Variants in PHF3 observed in about 807,000 individuals in gnomAD.
PHF3 encodes PHD finger protein 3.
PHF3 carries 41 observed loss-of-function variants against 178.4 expected under a neutral mutation model. The ratio of observed to expected loss-of-function variants is 0.23; its 90% CI spans 0.18 to 0.30. The LOEUF (loss-of-function observed/expected upper bound fraction) is 0.30, where lower values mean the gene tolerates loss of function less well. PHF3 is among the 10% of genes least tolerant of loss of function. PHF3 has a pLI of 1.00. For missense variants in PHF3, 2,346 were observed against 2,398.1 expected (o/e 0.98, Z 0.45); for synonymous variants, 842 against 800.5 (o/e 1.05, Z -0.88).
At chr6:63,647,261 T>C (rs1764831483) in intron 2 of PHF3, among the ~76,000 whole-genome samples, 1 of 152,076 alleles carries the variant, frequency 6.6e-6, no homozygotes. Flanking sequence ...CATTGTTTGC[T>C]CCCATTTCAC....
At chr6:63,696,330 T>C (rs1043870998) in intron 6 of PHF3, among the ~76,000 whole-genome samples, 3 of 152,094 alleles carry the variant, frequency 2.0e-5, no homozygotes, top group Non-Finnish European at 2.9e-5. Context: ...TATTTTTACT[T>C]TATTTTTGTG....
chr6:63,680,443 A>G (rs1429264195), intron 3 of PHF3, among the ~76,000 whole-genome samples: 1 of 115,340 alleles, frequency 8.7e-6, no homozygotes, highest in African/African-American at 3.3e-5. Context: ...TTATAGCTCT[A>G]GGTAACATGC....
chr6:63,712,388 T>G lies in PHF3; in HGVS notation c.4800T>G (p.Asp1600Glu). The change falls in exon 16 of 16, where the codon GAT becomes GAG. Residue 1600 changes from aspartate to glutamate, a missense_variant. Physicochemically the swap from Asp to Glu is conservative, Grantham distance 45. Transcript: ENST00000262043. ...EKTLKRQLQE[D>E]QENNLQDNQT... ...CATTAAAAAGACAGCTTCAGGAAGA[T>G]CAAGAGAATAATTTGCAAGATAACC... 6.2e-7 allele frequency: 1 copy of G among 1,613,794 alleles called. No homozygotes were observed.
chr6:63,704,674 T>C (rs1053754347), intron 11 of PHF3, among the ~76,000 whole-genome samples: 9 of 152,120 alleles, frequency 5.9e-5, no homozygotes, highest in African/African-American at 2.2e-4. Context: ...ATTACAAGTT[T>C]TGGCAATTAC....
At chr6:63,648,402 G>A (rs1764878116) in intron 2 of PHF3, among the ~76,000 whole-genome samples, 1 of 152,202 alleles carries the variant, frequency 6.6e-6, no homozygotes, top group South Asian at 2.1e-4. Flanking sequence ...TATTAACATG[G>A]TTGTTGCTGG....
intron 3 of PHF3, 46 bp from the exon 4 acceptor site, chr6:63,684,083 G>A: frequency 7.2e-7 from 1 of 1,394,578 alleles, no homozygotes; most frequent in Non-Finnish European, 9.8e-7. Flanking sequence ...AAAAGCACAT[G>A]ACAAAATAGC....
Position 63,646,765 on chromosome 6 carries a change from G to A in PHF3, c.214G>A (p.Asp72Asn), listed in dbSNP as rs770280864. The change falls in exon 2 of 16, where the codon GAT becomes AAT. Residue 72 changes from aspartate (D) to asparagine (N), a missense_variant. This residue lies in a region of PHF3 where 843 missense variants were observed against 795.2 expected (regional missense o/e 1.06). Coordinates refer to ENST00000262043, the MANE Select transcript of PHF3 (RefSeq NM_001370348.2). Reference protein sequence around the residue: ...QFCLPVLDSNDPNFQMPCSTV... With the variant: ...QFCLPVLDSNNPNFQMPCSTV... ...CTGTTTGCCTGTTTTGGATAGCAAT[G>A]ATCCCAATTTCCAGATGCCTTGTTC... 6.6e-7 allele frequency: 1 copy of A among 1,504,414 alleles called. No homozygotes were observed. The highest frequency in any genetic ancestry group is 8.9e-7 in the Non-Finnish European group (1 of 1,119,976). 93.2% of individuals were successfully genotyped at this position (1,504,414 alleles called of 1,614,324 possible). A position where few individuals can be genotyped will look rare whatever the true frequency, so the allele number is the denominator to read the frequency against.
Position 63,725,816 on chromosome 6 carries a change from T to A in PHF3, c.*12108T>A, listed in dbSNP as rs182294301. ...TGATGTGAAATTTAGCAAATGTAAT[T>A]ATTTCTCAATATCAAAATTGTTTCT... On this transcript the variant is annotated 3_prime_UTR_variant, in exon 16 of 16. Coordinates refer to ENST00000262043, the MANE Select transcript of PHF3 (RefSeq NM_001370348.2). 1.3e-5 allele frequency among the ~76,000 whole-genome samples: 2 copies of A among 152,222 alleles called. No homozygotes were observed. The highest frequency in any genetic ancestry group is 1.3e-4 in the Admixed American group (2 of 15,290).
chr6:63,649,897 TGAG>T (rs1306251007), intron 2 of PHF3, among the ~76,000 whole-genome samples: 4 of 152,208 alleles, frequency 2.6e-5, no homozygotes, highest in Admixed American at 6.5e-5. Context: ...ATATACCACT[TGAG>T]GAGTGTATTC....
Position 63,684,612 on chromosome 6 carries a change from A to T in PHF3, c.890A>T (p.Asn297Ile). The T allele has an allele frequency of 6.2e-7, 1 of 1,614,002 alleles. No individual in the cohort carries two copies. The highest frequency in any genetic ancestry group is 8.5e-7 in the Non-Finnish European group (1 of 1,179,930). Reference protein sequence around the residue: ...KFSDKEEHEQNDSISGKTGET... With the variant: ...KFSDKEEHEQIDSISGKTGET... ...TCAGATAAAGAAGAACATGAACAAA[A>T]TGATTCCATTTCAGGTAAAACGGGT... Residue 297 changes from asparagine to isoleucine, a missense_variant, in exon 4 of 16, where the codon AAT becomes ATT. Asn to Ile is a moderately radical substitution (Grantham distance 149). Around this residue, in one of 8 missense-constraint regions of PHF3, gnomAD observed 843 missense variants for 795.2 expected, o/e 1.06. Transcript: ENST00000262043.
intron 2 of PHF3, among the ~76,000 whole-genome samples, chr6:63,660,460 A>G (rs1332980609): frequency 1.3e-5 from 2 of 152,154 alleles, no homozygotes; most frequent in Non-Finnish European, 2.9e-5. Flanking sequence ...TTTTGACTTT[A>G]TTCATTTATT....
intron 2 of PHF3, among the ~76,000 whole-genome samples, chr6:63,653,022 T>G (rs1186758234): frequency 6.8e-6 from 1 of 147,716 alleles, no homozygotes; most frequent in Non-Finnish European, 1.5e-5. Flanking sequence ...TTGGCTAGTT[T>G]TTTTTTTTTT....
At position 63,648,606 on chromosome 6, in the gene PHF3, T is replaced by C. The variant is rs771816120; in HGVS notation, c.244+1811T>C. Among the ~76,000 whole-genome samples, 52 of 152,216 alleles carry C rather than the reference T, an allele frequency of 3.4e-4. 1 individual carries two copies. Among genetic ancestry groups the C allele is most frequent in the Non-Finnish European group, 1.0e-4 (7 of 68,020 alleles). On this transcript the variant is annotated intron_variant, in intron 2 of 15. Transcript: ENST00000262043. ...ATGTGAAAAATCTCTTCAGTTTTGT[T>C]GTACATTTCTTTTGCTAATAGAAGA...
At chr6:63,680,398 ATTTTTTTTTTT>A (rs994238749) in intron 3 of PHF3, among the ~76,000 whole-genome samples, 1 of 117,600 alleles carries the variant, frequency 8.5e-6, no homozygotes, top group Non-Finnish European at 1.8e-5. Context: ...AGCTGGTTTA[ATTTTTTTTTTT>A]TTTTTTTTTT....
At chr6:63,704,580 A>G (rs1481622571) in intron 11 of PHF3, among the ~76,000 whole-genome samples, 4 of 151,166 alleles carry the variant, frequency 2.6e-5, no homozygotes, top group Non-Finnish European at 5.9e-5. Context: ...TGGCTGGATA[A>G]CTCATTTCTT....
intron 4 of PHF3, among the ~76,000 whole-genome samples, chr6:63,687,020 G>C (rs1766739232): frequency 1.3e-5 from 2 of 152,226 alleles, no homozygotes; most frequent in South Asian, 2.1e-4. Flanking sequence ...TCAAGGGTTA[G>C]TTTATAACAA....
At chr6:63,638,534 TAATG>T (rs1346277900) in intron 1 of PHF3, among the ~76,000 whole-genome samples, 4 of 152,096 alleles carry the variant, frequency 2.6e-5, no homozygotes, top group African/African-American at 4.8e-5. Flanking sequence ...TTTAGTGAGA[TAATG>T]AGATTTTTTG....
Position 63,698,311 on chromosome 6 carries a change from T to A in PHF3, c.2769T>A (p.Ser923=). 2 of 1,613,040 alleles carry A rather than the reference T, an allele frequency of 1.2e-6. No homozygotes were observed. The highest frequency in any genetic ancestry group is 1.7e-6 in the Non-Finnish European group (2 of 1,179,240). Residue 923 remains serine (S), a synonymous_variant, in exon 7 of 16, where the codon TCT becomes TCA. Coordinates refer to ENST00000262043, the MANE Select transcript of PHF3 (RefSeq NM_001370348.2). ...CTGCTGCTTCTGCTTCCAAGCCTTCTGCAGATCAGATCAGGCAAAGTGTCA... is the reference window on the plus strand; with the variant it reads ...CTGCTGCTTCTGCTTCCAAGCCTTCAGCAGATCAGATCAGGCAAAGTGTCA... The part of the protein sequence containing the change: ...VHPAASASKP[S]ADQIRQSVRH...
intron 2 of PHF3, among the ~76,000 whole-genome samples, chr6:63,664,050 TAAA>T (rs1765578511): frequency 6.6e-6 from 1 of 152,160 alleles, no homozygotes; most frequent in Non-Finnish European, 1.5e-5. Flanking sequence ...TGTACCCAGC[TAAA>T]AAATAGGAAT....
Sources: allele counts gnomAD v4.1 joint callset (sites outside exome capture counted in the v4.1 genomes callset), GRCh38; gene constraint gnomAD v4.1.1; regional missense constraint gnomAD v4.1.1; transcripts MANE v1.5; gene names NCBI Gene and HGNC (gene_info 2026-07-23, HGNC 2026-07-21).